ZNF407: variants seen among roughly 807,000 people sequenced by gnomAD.
ZNF407 encodes the protein zinc finger protein 407.
Under a neutral mutation model 131.2 loss-of-function variants are expected in ZNF407, and 17 were observed. The ratio of observed to expected loss-of-function variants is 0.13; its 90% CI spans 0.09 to 0.19. The LOEUF (loss-of-function observed/expected upper bound fraction) is 0.19, where lower values mean the gene tolerates loss of function less well. Among genes scored for constraint, ZNF407 ranks in the 10% least tolerant of loss-of-function variants. The probability of loss-of-function intolerance (pLI) is 1.00; values close to 1 mark genes in which losing one functional copy is unlikely to be tolerated. For synonymous variants in ZNF407, 1,156 were observed against 1,062.0 expected, an observed-to-expected ratio of 1.09 and a Z score of -1.72; for missense variants, 2,681 against 2,830.6, an observed-to-expected ratio of 0.95 and a Z score of 1.20.
intron 4 of ZNF407, among the ~76,000 whole-genome samples, chr18:74,854,945 G>T (rs1216295914): frequency 1.3e-5 from 2 of 152,100 alleles, no homozygotes; most frequent in African/African-American, 4.8e-5. Context: ...ATAGATTAGT[G>T]AAATATTTCT....
intron 4 of ZNF407, among the ~76,000 whole-genome samples, chr18:74,807,723 T>A (rs1892869965): frequency 6.6e-6 from 1 of 152,244 alleles, no homozygotes; most frequent in African/African-American, 2.4e-5. Context: ...GTTCTTTAAC[T>A]GTCAGAAAAT....
At chr18:74,724,764 G>GT (rs1968118302) in intron 3 of ZNF407, among the ~76,000 whole-genome samples, 1 of 152,094 alleles carries the variant, frequency 6.6e-6, no homozygotes, top group Non-Finnish European at 1.5e-5. Flanking sequence ...GTTGTTCACA[G>GT]TTTTTTGCCT....
chr18:74,957,188 G>C (rs1879518546), intron 8 of ZNF407, among the ~76,000 whole-genome samples: 1 of 151,330 alleles, frequency 6.6e-6, no homozygotes, highest in African/African-American at 2.4e-5. Flanking sequence ...CCTGAGTGCA[G>C]CTGAAGGTTG....
chr18:74,984,039 A>G (rs1044286383), intron 8 of ZNF407, among the ~76,000 whole-genome samples: 22 of 152,256 alleles, frequency 1.4e-4, no homozygotes, highest in Admixed American at 3.9e-4. Context: ...ATATTACTTG[A>G]TAACAGCCCT....
intron 4 of ZNF407, among the ~76,000 whole-genome samples, chr18:74,858,856 A>G (rs1437115974): frequency 6.6e-6 from 1 of 152,184 alleles, no homozygotes; most frequent in Non-Finnish European, 1.5e-5. Flanking sequence ...TCAGGAAAGG[A>G]CAATCAGACA....
chr18:74,906,475 G>GT (rs1971596524), intron 7 of ZNF407, among the ~76,000 whole-genome samples: 1 of 152,146 alleles, frequency 6.6e-6, no homozygotes, highest in South Asian at 2.1e-4. Context: ...CAATCTGGGT[G>GT]TTTTTCAAAT....
intron 3 of ZNF407, among the ~76,000 whole-genome samples, chr18:74,765,879 A>C (rs1465936623): frequency 6.6e-6 from 1 of 151,862 alleles, no homozygotes; most frequent in Non-Finnish European, 1.5e-5. Context: ...TTGTTATTTC[A>C]TACATTTTTT....
At chr18:74,834,538 G>A (rs946801428) in intron 4 of ZNF407, among the ~76,000 whole-genome samples, 1 of 152,194 alleles carries the variant, frequency 6.6e-6, no homozygotes, top group African/African-American at 2.4e-5. Flanking sequence ...CTCCAGACTG[G>A]ATGAACAGGG....
intron 8 of ZNF407, among the ~76,000 whole-genome samples, chr18:75,014,695 G>A (rs147364081): frequency 2.6e-3 from 399 of 152,078 alleles, no homozygotes; most frequent in African/African-American, 8.2e-3. Flanking sequence ...ATGAGTCTCC[G>A]TTAGTCTTTT....
In ZNF407 at chr18:75,001,710, G is replaced by A. The variant is rs1040675890; in HGVS notation, c.5429-61440G>A. 2.0e-5 allele frequency among the ~76,000 whole-genome samples: 3 copies of A among 152,230 alleles called. No homozygotes were observed. The South Asian group carries it at 6.2e-4, about 32-fold the overall frequency. ...GTGAAAATCAGGAGAGACATTAGCA[G>A]TAGCAACAGAGAATTCAGAGTTTTG... On this transcript the variant is annotated intron_variant, in intron 8 of 8. Transcript: ENST00000299687.
At chr18:74,982,629 A>G (rs1211980885) in intron 8 of ZNF407, among the ~76,000 whole-genome samples, 1 of 152,224 alleles carries the variant, frequency 6.6e-6, no homozygotes, top group African/African-American at 2.4e-5. Flanking sequence ...GTTGCCTGTT[A>G]AGGGAGGAAC....
chr18:74,735,727 A>G (rs2144906433), intron 3 of ZNF407, among the ~76,000 whole-genome samples: 1 of 152,332 alleles, frequency 6.6e-6, no homozygotes, highest in Non-Finnish European at 1.5e-5. Flanking sequence ...TCCATGATCA[A>G]CTTTAGAGGC....
chr18:74,681,402 C>T (rs546019550), intron 3 of ZNF407, among the ~76,000 whole-genome samples: 1 of 152,230 alleles, frequency 6.6e-6, no homozygotes, highest in East Asian at 1.9e-4. Flanking sequence ...TGCCACACAC[C>T]TGGCTAAGTT....
At chr18:74,723,519 T>C (rs933941012) in intron 3 of ZNF407, among the ~76,000 whole-genome samples, 6 of 152,246 alleles carry the variant, frequency 3.9e-5, no homozygotes, top group Non-Finnish European at 7.3e-5. Flanking sequence ...ATCTCATTTC[T>C]GATAGTTAAG....
chr18:74,626,575 T>C (rs1983796330), intron 1 of ZNF407, among the ~76,000 whole-genome samples: 2 of 152,290 alleles, frequency 1.3e-5, no homozygotes, highest in South Asian at 4.1e-4. Flanking sequence ...TGGTAGGTGC[T>C]CAGTACATAT....
chr18:74,842,175 A>G (rs1479755680), intron 4 of ZNF407, among the ~76,000 whole-genome samples: 1 of 152,134 alleles, frequency 6.6e-6, no homozygotes, highest in Non-Finnish European at 1.5e-5. Context: ...TTCAGATCCT[A>G]GCTTACCTTA....
At chr18:75,024,911 C>A (rs1040210489) in intron 8 of ZNF407, among the ~76,000 whole-genome samples, 4 of 152,120 alleles carry the variant, frequency 2.6e-5, no homozygotes, top group South Asian at 2.1e-4. Context: ...GCACACCAAC[C>A]AGACTAGGTT....
chr18:75,012,426 G>A (rs368185636), intron 8 of ZNF407, among the ~76,000 whole-genome samples: 4 of 151,440 alleles, frequency 2.6e-5, no homozygotes, highest in East Asian at 3.9e-4. Context: ...GTGTATAGCA[G>A]GCTCTGGGGG....
At chr18:74,865,984 T>G (rs1971004922) in intron 4 of ZNF407, among the ~76,000 whole-genome samples, 2 of 152,232 alleles carry the variant, frequency 1.3e-5, no homozygotes, top group African/African-American at 4.8e-5. Flanking sequence ...CTACTTATTC[T>G]CAGTTGCATC....
Sources: allele counts gnomAD v4.1 joint callset (sites outside exome capture counted in the v4.1 genomes callset), GRCh38; gene constraint gnomAD v4.1.1; transcripts MANE v1.5; gene names NCBI Gene and HGNC (gene_info 2026-07-23, HGNC 2026-07-21).